Variants in ATP6V1E1 observed in about 807,000 individuals in gnomAD.
ATP6V1E1 encodes the protein V-type proton ATPase subunit E 1.
Under a neutral mutation model 35.2 loss-of-function variants are expected in ATP6V1E1, and 21 were observed. That is an observed-to-expected ratio of 0.60 (90% CI 0.42 to 0.86). The LOEUF (loss-of-function observed/expected upper bound fraction) is 0.86. ATP6V1E1 is among the 40% of genes least tolerant of loss of function. The pLI is 0.00. For synonymous variants in ATP6V1E1, 83 were observed against 87.8 expected (o/e 0.95, Z 0.30); for missense variants, 183 against 272.6 (o/e 0.67, Z 2.32).
At chr22:17,610,328 T>C (rs1288307411) in intron 4 of ATP6V1E1, among the ~76,000 whole-genome samples, 1 of 152,114 alleles carries the variant, frequency 6.6e-6, no homozygotes. Context: ...CAAGTTAAAA[T>C]TACAAGTCAA....
chr22:17,610,469 A>T (rs111833967), intron 4 of ATP6V1E1, among the ~76,000 whole-genome samples: 99 of 152,224 alleles, frequency 6.5e-4, no homozygotes, highest in African/African-American at 2.2e-3. Flanking sequence ...TCTTTCTCAG[A>T]ATCTTTTCCA....
At chr22:17,605,055 A>G (rs1256571762) in intron 4 of ATP6V1E1, among the ~76,000 whole-genome samples, 1 of 150,608 alleles carries the variant, frequency 6.6e-6, no homozygotes, top group Non-Finnish European at 1.5e-5. Flanking sequence ...GTCTCTACCT[A>G]AAATACAAAA....
chr22:17,619,644 G>C (rs1032661503), intron 1 of ATP6V1E1, 118 bp from the exon 2 acceptor site: 34 of 823,048 alleles, frequency 4.1e-5, no homozygotes, highest in African/African-American at 3.3e-4. Context: ...CTACCACTCT[G>C]GGGGGCCAAG....
chr22:17,626,302 C>T (rs1384107232), intron 1 of ATP6V1E1, among the ~76,000 whole-genome samples: 2 of 85,576 alleles, frequency 2.3e-5, no homozygotes, highest in Admixed American at 2.7e-4. Flanking sequence ...AGCGAGACTT[C>T]GTCTCAAAAA....
intron 4 of ATP6V1E1, among the ~76,000 whole-genome samples, chr22:17,603,165 G>C (rs1475308168): frequency 1.3e-5 from 2 of 151,902 alleles, no homozygotes; most frequent in Non-Finnish European, 2.9e-5. Flanking sequence ...GGCCGGGCTG[G>C]TCTTGAACTC....
Position 17,599,577 on chromosome 22 carries a change from C to CA in ATP6V1E1, c.435+449dup, listed in dbSNP as rs71284922. ...GGGAAATGAGAGCGAAACTCCATCT[C>CA]AAAAAAAAAAAAAAAAAGGAAACTA... On this transcript the variant is annotated intron_variant, in intron 6 of 8. Coordinates refer to ENST00000253413, the MANE Select transcript of ATP6V1E1 (RefSeq NM_001696.4). 6.7e-3 allele frequency among the ~76,000 whole-genome samples: 440 copies of CA among 65,594 alleles called. 8 individuals carry two copies. The highest frequency in any genetic ancestry group is 0.035 in the East Asian group (70 of 1,978). 43.0% of individuals were successfully genotyped at this position (65,594 alleles called of 152,430 possible).
rs1601376156 is a variant in ATP6V1E1 at position 17,601,087 on chromosome 22, G to A, written c.366+5C>T. 1 of 1,610,806 alleles carries A rather than the reference G, an allele frequency of 6.2e-7. No homozygotes were observed. The highest frequency in any genetic ancestry group is 2.2e-5 in the East Asian group (1 of 44,852). ...ATCAACAGTAGATCTGGTCTATGAG[G>A]GTACCTGGAGAACCAGTCCATCCAG... On this transcript the variant is annotated splice_donor_5th_base_variant and intron_variant, in intron 5 of 8. Transcript: ENST00000253413.
intron 6 of ATP6V1E1, among the ~76,000 whole-genome samples, chr22:17,598,685 AGG>A (rs774775722): frequency 6.6e-6 from 1 of 152,190 alleles, no homozygotes; most frequent in Non-Finnish European, 1.5e-5. Flanking sequence ...GTTGCAGATG[AGG>A]GGGAGACAGC....
intron 3 of ATP6V1E1, 71 bp from the exon 4 acceptor site, chr22:17,612,949 G>T: frequency 7.0e-7 from 1 of 1,429,248 alleles, no homozygotes; most frequent in Non-Finnish European, 9.7e-7. Flanking sequence ...GAACTCCTGG[G>T]CTCAAGCAAT....
rs575863671 is a variant in ATP6V1E1 at position 17,614,415 on chromosome 22, G to A, written c.100-1095C>T. ...CTAACGCCTGCCATCCCAGCACTTTGGGGGGCTGAGGCGGGCAGATCACCT... is the reference window on the plus strand; with the variant it reads ...CTAACGCCTGCCATCCCAGCACTTTAGGGGGCTGAGGCGGGCAGATCACCT... On this transcript the variant is annotated intron_variant, in intron 2 of 8. Transcript: ENST00000253413. Among the ~76,000 whole-genome samples the A allele has an allele frequency of 3.7e-3, 564 of 152,214 alleles. 3 individuals carry two copies. The highest frequency in any genetic ancestry group is 0.013 in the African/African-American group (535 of 41,550).
At chr22:17,609,357 A>G (rs2146305705) in intron 4 of ATP6V1E1, among the ~76,000 whole-genome samples, 2 of 146,294 alleles carry the variant, frequency 1.4e-5, no homozygotes, top group East Asian at 4.2e-4. Flanking sequence ...GAGACAGGGC[A>G]CCACATTGGC....
At chr22:17,598,093 A>G (rs1569202199) in intron 7 of ATP6V1E1, 101 bp downstream of exon 7, 2 of 878,970 alleles carry the variant, frequency 2.3e-6, no homozygotes, top group Non-Finnish European at 3.7e-6. Context: ...TGTGTCTAAG[A>G]GTGCGTTTAA....
chr22:17,597,238 TG>T (rs1366059460), intron 7 of ATP6V1E1, among the ~76,000 whole-genome samples: 1 of 144,844 alleles, frequency 6.9e-6, no homozygotes, highest in Non-Finnish European at 1.5e-5. Flanking sequence ...TGAGACTGCC[TG>T]TCTTAAAAAA....
intron 1 of ATP6V1E1, among the ~76,000 whole-genome samples, chr22:17,623,454 C>T (rs1457140517): frequency 6.6e-6 from 1 of 152,046 alleles, no homozygotes; most frequent in African/African-American, 2.4e-5. Context: ...GGGTGGATCA[C>T]GAGGTCAGGA....
At chr22:17,614,716 CCCAGCA>C (rs1432685313) in intron 2 of ATP6V1E1, among the ~76,000 whole-genome samples, 1 of 150,726 alleles carries the variant, frequency 6.6e-6, no homozygotes, top group Non-Finnish European at 1.5e-5. Flanking sequence ...CACCTGTAAT[CCCAGCA>C]CTTTGGGAGG....
intron 2 of ATP6V1E1, among the ~76,000 whole-genome samples, chr22:17,618,303 A>C (rs927032273): frequency 2.0e-5 from 3 of 152,204 alleles, no homozygotes; most frequent in African/African-American, 7.2e-5. Flanking sequence ...TTGGCATCAC[A>C]ACCATTAGAA....
At chr22:17,600,538 A>T (rs1027278618) in intron 5 of ATP6V1E1, 3 of 157,388 alleles carry the variant, frequency 1.9e-5, no homozygotes, top group Admixed American at 1.9e-4. Context: ...TTCCACTAAC[A>T]GATGGCATAT....
rs1240250522 is a variant in ATP6V1E1 at position 17,598,238 on chromosome 22, A to G, written c.486T>C (p.Asp162=). ...IPMYKIATKN[D]VDVQIDQESY... is the part of the protein sequence containing the mutation. Reference sequence around the variant, plus strand: ...ACTCCTGGTCAATTTGGACATCAACATCGTTTTTGGTGGCAATTTTGTACA... The same window carrying G: ...ACTCCTGGTCAATTTGGACATCAACGTCGTTTTTGGTGGCAATTTTGTACA... The change falls in exon 7 of 9, where the codon GAT becomes GAC. Residue 162 remains aspartate, a synonymous_variant. Coordinates refer to ENST00000253413, the MANE Select transcript of ATP6V1E1 (RefSeq NM_001696.4). 5 of 1,614,130 alleles carry G rather than the reference A, an allele frequency of 3.1e-6. No individual in the cohort carries two copies. The highest frequency in any genetic ancestry group is 4.2e-6 in the Non-Finnish European group (5 of 1,180,008).
At chr22:17,624,024 T>C (rs1226746006) in intron 1 of ATP6V1E1, among the ~76,000 whole-genome samples, 1 of 152,210 alleles carries the variant, frequency 6.6e-6, no homozygotes, top group Non-Finnish European at 1.5e-5. Flanking sequence ...CAGGTTTCTT[T>C]GTAAATTTGA....
Sources: allele counts gnomAD v4.1 joint callset (sites outside exome capture counted in the v4.1 genomes callset), GRCh38; gene constraint gnomAD v4.1.1; transcripts MANE v1.5; gene names NCBI Gene and HGNC (gene_info 2026-07-23, HGNC 2026-07-21).